Variants in DIS3L2 observed in about 807,000 individuals in gnomAD.
DIS3L2 encodes the protein DIS3-like exonuclease 2.
DIS3L2 carries 34 observed loss-of-function variants against 97.5 expected under a neutral mutation model. The ratio of observed to expected loss-of-function variants is 0.35; its 90% CI spans 0.27 to 0.46. The LOEUF (loss-of-function observed/expected upper bound fraction) is 0.46. DIS3L2 is among the 20% of genes least tolerant of loss of function. The pLI is 1.00. For synonymous variants in DIS3L2, 435 were observed against 445.2 expected, an observed-to-expected ratio of 0.98 and a Z score of 0.29; for missense variants, 1,038 against 1,146.0, an observed-to-expected ratio of 0.91 and a Z score of 1.36.
At chr2:232,265,670 A>G (rs932282675) in intron 13 of DIS3L2, among the ~76,000 whole-genome samples, 1 of 152,242 alleles carries the variant, frequency 6.6e-6, no homozygotes, top group Admixed American at 6.5e-5. Flanking sequence ...GTTTTTATAA[A>G]AACTAAGTTA....
At position 231,965,288 on chromosome 2, in the gene DIS3L2, C is replaced by T. The variant is rs1388414830; in HGVS notation, c.-94+3523C>T. 3.9e-5 allele frequency among the ~76,000 whole-genome samples: 6 copies of T among 152,228 alleles called. No homozygotes were observed. In the South Asian group the frequency reaches 6.2e-4, roughly 16 times the overall value. On this transcript the variant is annotated intron_variant, in intron 1 of 20. Transcript: ENST00000325385. ...TTCTGAAGTGCTTCCTATGTAGCAG[C>T]GGTAGTATCAGGAATTACCAAAAAC...
intron 1 of DIS3L2, among the ~76,000 whole-genome samples, chr2:232,003,140 T>G (rs1350395780): frequency 1.3e-5 from 2 of 152,228 alleles, no homozygotes; most frequent in Non-Finnish European, 2.9e-5. Context: ...TGATAACAAT[T>G]TCTCTTTCCT....
At chr2:231,971,246 G>A (rs1228182904) in intron 1 of DIS3L2, among the ~76,000 whole-genome samples, 2 of 151,526 alleles carry the variant, frequency 1.3e-5, no homozygotes, top group Non-Finnish European at 2.9e-5. Context: ...TGTGTTGTCG[G>A]GGTTTGGTGT....
chr2:232,144,068 C>A (rs1251500311), intron 8 of DIS3L2, among the ~76,000 whole-genome samples: 1 of 151,950 alleles, frequency 6.6e-6, no homozygotes, highest in East Asian at 1.9e-4. Flanking sequence ...TTTCCATTTT[C>A]TGAAATATAC....
At chr2:232,092,630 C>G (rs6713546) in intron 6 of DIS3L2, among the ~76,000 whole-genome samples, 2,052 of 152,042 alleles carry the variant, frequency 0.013, 53 homozygotes, top group African/African-American at 0.047. Flanking sequence ...TTGGTTAATT[C>G]TGAGTTATTT....
chr2:231,962,085 TAG>T (rs533688972), intron 1 of DIS3L2, among the ~76,000 whole-genome samples: 80 of 152,280 alleles, frequency 5.3e-4, no homozygotes, highest in African/African-American at 1.9e-3. Context: ...CCTGTTGCTG[TAG>T]AGAGGACGCC....
intron 14 of DIS3L2, among the ~76,000 whole-genome samples, chr2:232,317,595 C>T (rs1695310953): frequency 6.6e-6 from 1 of 151,994 alleles, no homozygotes. Context: ...CTCCACCACG[C>T]CTGGCTAATT....
At chr2:232,300,972 T>G (rs1260364962) in intron 14 of DIS3L2, among the ~76,000 whole-genome samples, 2 of 100,632 alleles carry the variant, frequency 2.0e-5, no homozygotes, top group Non-Finnish European at 3.6e-5. Context: ...CCTCCTTGAC[T>G]GTGTATTTTC....
At chr2:232,002,435 G>T (rs1314188112) in intron 1 of DIS3L2, among the ~76,000 whole-genome samples, 1 of 152,118 alleles carries the variant, frequency 6.6e-6, no homozygotes, top group African/African-American at 2.4e-5. Context: ...AGATTATATT[G>T]AATCTGTAGA....
chr2:232,051,570 T>G (rs549601326), intron 5 of DIS3L2, among the ~76,000 whole-genome samples: 61 of 152,102 alleles, frequency 4.0e-4, no homozygotes, highest in Admixed American at 4.6e-4. Context: ...CCCAGCACTT[T>G]GGGAGGCCGA....
chr2:232,043,697 T>C (rs907208626), intron 5 of DIS3L2, among the ~76,000 whole-genome samples: 7 of 152,182 alleles, frequency 4.6e-5, no homozygotes, highest in African/African-American at 9.7e-5. Context: ...AGTAAATTTG[T>C]TGATTTTGGA....
intron 5 of DIS3L2, among the ~76,000 whole-genome samples, chr2:232,054,130 A>T (rs969873116): frequency 1.4e-4 from 21 of 152,244 alleles, no homozygotes; most frequent in South Asian, 2.1e-4. Context: ...GGAACTGGGG[A>T]TGAAGAACAC....
At chr2:232,149,177 A>G (rs1316866820) in intron 8 of DIS3L2, among the ~76,000 whole-genome samples, 1 of 146,482 alleles carries the variant, frequency 6.8e-6, no homozygotes, top group African/African-American at 2.6e-5. Flanking sequence ...CAAATCTTTC[A>G]TTCCAGCGCT....
rs375926576 is a variant in DIS3L2 at position 232,149,520 on chromosome 2, T to G, written c.950+12801T>G. ...ATTTCATCCATGTCCCTACAAAGGA[T>G]ATGAACTCATCATTTTTATGGCTGC... On this transcript the variant is annotated intron_variant, in intron 8 of 20. Transcript: ENST00000325385. 2.0e-5 allele frequency among the ~76,000 whole-genome samples: 3 copies of G among 148,674 alleles called. 1 individual carries two copies. In the South Asian group the frequency reaches 6.4e-4, roughly 32 times the overall value.
chr2:232,265,160 C>T (rs748791117), intron 13 of DIS3L2, among the ~76,000 whole-genome samples: 21 of 152,190 alleles, frequency 1.4e-4, no homozygotes, highest in African/African-American at 5.1e-4. Context: ...GCTTCTTAGA[C>T]TTCTGACCTG....
chr2:232,080,697 T>G (rs1180366287), intron 5 of DIS3L2, among the ~76,000 whole-genome samples: 1 of 151,920 alleles, frequency 6.6e-6, no homozygotes, highest in African/African-American at 2.4e-5. Context: ...GCTCAGGAGT[T>G]CGAGACCAGC....
chr2:232,181,584 C>T (rs1015439997), intron 9 of DIS3L2, among the ~76,000 whole-genome samples: 1 of 152,072 alleles, frequency 6.6e-6, no homozygotes, highest in African/African-American at 2.4e-5. Flanking sequence ...TCGCTGATAG[C>T]CTTTCTTCCA....
chr2:232,141,387 A>G (rs1448265277), intron 8 of DIS3L2, among the ~76,000 whole-genome samples: 1 of 152,202 alleles, frequency 6.6e-6, no homozygotes, highest in Non-Finnish European at 1.5e-5. Context: ...ACTGAAGGCT[A>G]GCTGAAGATA....
At position 232,325,374 on chromosome 2, in the gene DIS3L2, T is replaced by C. The variant is rs1313113524; in HGVS notation, c.1740-4439T>C. On this transcript the variant is annotated intron_variant, in intron 14 of 20. Transcript: ENST00000325385. The surrounding 1 kb of genome is among the most constrained non-coding windows in gnomAD (Gnocchi z 4.6). ...TGTGCACTGTGGGAACCTCTGTCTC[T>C]ACCAGTGTCACCCTTGCTGTGGGGA... Among the ~76,000 whole-genome samples the C allele has an allele frequency of 5.3e-5, 8 of 152,340 alleles. No individual in the cohort carries two copies. The East Asian group carries it at 1.5e-3, about 29-fold the overall frequency.
Sources: allele counts gnomAD v4.1 joint callset (sites outside exome capture counted in the v4.1 genomes callset), GRCh38; gene constraint gnomAD v4.1.1; non-coding constraint Gnocchi (gnomAD v3.1); transcripts MANE v1.5; gene names NCBI Gene and HGNC (gene_info 2026-07-23, HGNC 2026-07-21).